The following KAZN variants were observed in gnomAD, a reference collection of about 807,000 sequenced individuals.
KAZN encodes the protein kazrin.
Under a neutral mutation model 87.4 loss-of-function variants are expected in KAZN, and 40 were observed. The observed-to-expected ratio is 0.46, with a 90% CI of 0.36 to 0.60. KAZN has a LOEUF of 0.60. Among genes scored for constraint, KAZN ranks in the 20% least tolerant of loss-of-function variants. The probability of loss-of-function intolerance (pLI) is 0.00; values close to 1 mark genes in which losing one functional copy is unlikely to be tolerated. For synonymous variants in KAZN, 466 were observed against 458.3 expected (o/e 1.02, Z -0.22); for missense variants, 898 against 1,073.9 (o/e 0.84, Z 2.29).
Position 14,033,965 on chromosome 1 carries a change from C to A in KAZN, c.91+140209C>A, listed in dbSNP as rs1018342929. ...AGCTGAGACCAGCAGACTGGCACAT[C>A]TTCCAGGCAAGACAGGACAGTCAAA... is the stretch of plus-strand genomic sequence containing the variant. On this transcript the variant is annotated intron_variant, in intron 1 of 16. Coordinates refer to the KAZN transcript ENST00000636203. 5.3e-5 allele frequency among the ~76,000 whole-genome samples: 8 copies of A among 152,312 alleles called. No homozygotes were observed. In the East Asian group the frequency reaches 1.5e-3, roughly 29 times the overall value.
chr1:14,813,578 C>A (rs538558703), intron 1 of KAZN, among the ~76,000 whole-genome samples: 15 of 152,280 alleles, frequency 9.9e-5, no homozygotes, highest in African/African-American at 3.6e-4. Flanking sequence ...CTGTCCTCAC[C>A]CACCGCTGCC....
intron 2 of KAZN, among the ~76,000 whole-genome samples, chr1:14,471,816 A>G (rs986451376): frequency 3.9e-5 from 6 of 152,184 alleles, no homozygotes; most frequent in African/African-American, 1.4e-4. Context: ...GGCATGAACA[A>G]TTTGTTCTTT....
At chr1:14,748,096 C>T (rs1644310305) in intron 1 of KAZN, among the ~76,000 whole-genome samples, 1 of 152,222 alleles carries the variant, frequency 6.6e-6, no homozygotes, top group South Asian at 2.1e-4. Context: ...GCTTGGAAAA[C>T]TGGCCCATCC....
intron 2 of KAZN, among the ~76,000 whole-genome samples, chr1:14,455,318 A>G (rs904837080): frequency 3.9e-5 from 6 of 152,162 alleles, no homozygotes; most frequent in South Asian, 4.1e-4. Context: ...TCTCTCCTCA[A>G]TTCAAATCCA....
chr1:14,016,089 G>A (rs1570533475), intron 1 of KAZN, among the ~76,000 whole-genome samples: 1 of 152,154 alleles, frequency 6.6e-6, no homozygotes, highest in East Asian at 1.9e-4. Flanking sequence ...TAGGCTAGCT[G>A]TGTTTCCAGG....
At chr1:14,801,830 C>T in intron 1 of KAZN, among the ~76,000 whole-genome samples, 1 of 150,770 alleles carries the variant, frequency 6.6e-6, no homozygotes, top group Non-Finnish European at 1.5e-5. Context: ...ACTACAGGCA[C>T]CCGCCATCAC....
intron 2 of KAZN, among the ~76,000 whole-genome samples, chr1:14,413,605 A>C (rs944163895): frequency 1.3e-5 from 2 of 149,956 alleles, no homozygotes; most frequent in African/African-American, 4.9e-5. Context: ...AAAAAAAAAA[A>C]AAAAAAAAAA....
At chr1:14,156,675 C>T (rs751162643) in intron 1 of KAZN, among the ~76,000 whole-genome samples, 29 of 152,068 alleles carry the variant, frequency 1.9e-4, no homozygotes, top group Non-Finnish European at 3.2e-4. Context: ...TTTTGGTTTC[C>T]GTCGGCATGA....
intron 1 of KAZN, among the ~76,000 whole-genome samples, chr1:14,892,895 C>A (rs1471925132): frequency 2.0e-5 from 3 of 152,184 alleles, no homozygotes; most frequent in Admixed American, 2.0e-4. Flanking sequence ...AGAGGAAGGA[C>A]CAGTCTCCTA....
intron 2 of KAZN, among the ~76,000 whole-genome samples, chr1:14,280,497 A>C (rs1652770049): frequency 6.6e-6 from 1 of 151,960 alleles, no homozygotes; most frequent in Non-Finnish European, 1.5e-5. Flanking sequence ...ATGCCACGTG[A>C]AGGTGAATGA....
intron 13 of KAZN, among the ~76,000 whole-genome samples, chr1:15,109,745 GTGTT>G (rs1641428182): frequency 1.3e-5 from 2 of 148,150 alleles, no homozygotes; most frequent in East Asian, 2.0e-4. Context: ...ATGTGTGTTT[GTGTT>G]TGTATGTTTG....
At chr1:14,273,947 G>GT (rs1371189545) in intron 2 of KAZN, among the ~76,000 whole-genome samples, 51 of 152,100 alleles carry the variant, frequency 3.4e-4, no homozygotes, top group Non-Finnish European at 6.3e-4. Flanking sequence ...AACTCATTCT[G>GT]TAGTCATAGA....
intron 1 of KAZN, among the ~76,000 whole-genome samples, chr1:14,090,739 G>A (rs1231129864): frequency 2.0e-5 from 3 of 152,148 alleles, no homozygotes; most frequent in South Asian, 2.1e-4. Context: ...ACAATGAGTG[G>A]TTCTGTCTGC....
At chr1:14,736,254 G>GGTGT (rs528070001) in intron 1 of KAZN, among the ~76,000 whole-genome samples, 1,715 of 115,216 alleles carry the variant, frequency 0.015, 12 homozygotes, top group Non-Finnish European at 0.017. Flanking sequence ...GGGACTCAAG[G>GGTGT]GTGTGTGTGT....
At chr1:14,425,940 T>C (rs1173610289) in intron 2 of KAZN, among the ~76,000 whole-genome samples, 1 of 152,214 alleles carries the variant, frequency 6.6e-6, no homozygotes, top group Non-Finnish European at 1.5e-5. Flanking sequence ...CCCCCAACTT[T>C]CTAGAACATT....
In KAZN at chr1:14,965,026, A is replaced by T. The variant is rs754768255; in HGVS notation, c.418+4151A>T. ...GAATGATTGTTTAAGACATATATAT[A>T]TATTTTTTTCTTTTTTTTTTTTGAG... On this transcript the variant is annotated intron_variant, in intron 2 of 14. Transcript: ENST00000376030. Among the ~76,000 whole-genome samples the T allele has an allele frequency of 6.2e-4, 93 of 149,844 alleles. 1 individual carries two copies. Among genetic ancestry groups the T allele is most frequent in the South Asian group, 1.3e-3 (6 of 4,728 alleles).
chr1:14,201,206 AT>A (rs1245047236), intron 2 of KAZN, among the ~76,000 whole-genome samples: 1 of 151,958 alleles, frequency 6.6e-6, no homozygotes, highest in Non-Finnish European at 1.5e-5. Context: ...AATGTTCATT[AT>A]TTTTTTCTTT....
chr1:14,053,729 C>A (rs1371771514), intron 1 of KAZN, among the ~76,000 whole-genome samples: 1 of 152,132 alleles, frequency 6.6e-6, no homozygotes, highest in Non-Finnish European at 1.5e-5. Context: ...ACAGCTTTCC[C>A]TTGAACAATG....
intron 1 of KAZN, among the ~76,000 whole-genome samples, chr1:14,055,397 G>T (rs963215893): frequency 6.6e-6 from 1 of 152,204 alleles, no homozygotes; most frequent in African/African-American, 2.4e-5. Context: ...GAAGATGTGG[G>T]TGCATGATAT....
Sources: gnomAD v4.1 joint callset for allele counts (sites outside exome capture counted in the v4.1 genomes callset) on GRCh38, gnomAD v4.1.1 for gene constraint, MANE v1.5 for transcripts, NCBI Gene and HGNC (gene_info 2026-07-23, HGNC 2026-07-21) for gene names.